Variants in PPAN observed in about 807,000 individuals in gnomAD.
The protein encoded by PPAN is suppressor of SWI4 1 homolog.
Under a neutral mutation model 48.5 loss-of-function variants are expected in PPAN, and 39 were observed. The observed-to-expected ratio is 0.80, with a 90% CI of 0.62 to 1.05. The LOEUF (loss-of-function observed/expected upper bound fraction) is 1.05. Ranked by LOEUF, PPAN falls within the 50% of genes least tolerant of loss-of-function variation. PPAN has a pLI of 0.00. For synonymous variants in PPAN, 315 were observed against 268.6 expected, an observed-to-expected ratio of 1.17 and a Z score of -1.69; for missense variants, 736 against 661.7, an observed-to-expected ratio of 1.11 and a Z score of -1.23.
chr19:10,111,785 T>A lies in PPAN; in HGVS notation c.*620T>A. ...GCTGTCTCTGGGGGTCTGCAGATTG[T>A]CAGGAGGTGGGGGTAGTGGGTATTG... On this transcript the variant is annotated 3_prime_UTR_variant, in exon 12 of 12. Transcript: ENST00000253107. 3 of 1,610,758 alleles carry A rather than the reference T, an allele frequency of 1.9e-6. No homozygotes were observed. The highest frequency in any genetic ancestry group is 2.5e-6 in the Non-Finnish European group (3 of 1,177,998).
rs373292789 is a variant in PPAN at position 10,109,939 on chromosome 19, C to T, written c.617C>T (p.Ala206Val). Residue 206 changes from alanine (A) to valine (V), a missense_variant, in exon 7 of 12, where the codon GCG becomes GTG. Physicochemically the swap from Ala to Val is moderately conservative, Grantham distance 64. Transcript: ENST00000253107. ...HYSIKVVPVGASRGMKKLLQE... is the reference protein window; with the variant it reads ...HYSIKVVPVGVSRGMKKLLQE... The stretch of plus-strand genomic sequence containing the variant: ...AGCATCAAAGTTGTTCCTGTGGGCG[C>T]GAGTCGCGGGATGAAGAAGCTGCTC... 28 of 1,613,952 alleles carry T rather than the reference C, an allele frequency of 1.7e-5. No homozygotes were observed. Among genetic ancestry groups the T allele is most frequent in the Middle Eastern group, 3.3e-4 (2 of 6,084 alleles).
upstream of PPAN, chr19:10,106,350 G>T: frequency 6.5e-7 from 1 of 1,548,676 alleles, no homozygotes; most frequent in Non-Finnish European, 8.7e-7. Context: ...GCTGCGCAGC[G>T]CCGGAAGCGG....
chr19:10,109,785 C>T (rs2088979853), intron 6 of PPAN, 78 bp downstream of exon 6: 2 of 1,588,076 alleles, frequency 1.3e-6, no homozygotes, highest in Admixed American at 1.7e-5. Context: ...AGCACTTCTG[C>T]TGAGACGCTG....
chr19:10,106,338 G>A (rs1332732790), upstream of PPAN: 2 of 1,547,752 alleles, frequency 1.3e-6, no homozygotes, highest in African/African-American at 1.4e-5. Flanking sequence ...CGCCGGAAGT[G>A]AGCTGCGCAG....
intron 6 of PPAN, 94 bp from the exon 7 acceptor site, chr19:10,109,819 G>T: frequency 6.3e-7 from 1 of 1,591,590 alleles, no homozygotes; most frequent in Admixed American, 1.7e-5. Context: ...CAAAGTAAAC[G>T]CCCTGACGCA....
At chr19:10,107,365 G>C in intron 2 of PPAN, 140 bp from the exon 3 acceptor site, 1 of 820,836 alleles carries the variant, frequency 1.2e-6, no homozygotes, top group East Asian at 2.7e-5. Flanking sequence ...TGACTCTAAA[G>C]GCTAAGATCC....
At position 10,110,426 on chromosome 19, in the gene PPAN, G is replaced by T. The variant is rs563999387; in HGVS notation, c.901+24G>T. 9 of 1,609,100 alleles carry T rather than the reference G, an allele frequency of 5.6e-6. No homozygotes were observed. Among genetic ancestry groups the T allele is most frequent in the Middle Eastern group, 1.6e-4 (1 of 6,076 alleles). On this transcript the variant is annotated intron_variant, in intron 9 of 11. Coordinates refer to ENST00000253107, the MANE Select transcript of PPAN (RefSeq NM_020230.7). This position sits in a 1 kb window ranked among gnomAD's most constrained non-coding sequence, Gnocchi z 5.9. ...TGGTGAGGCCGGGGCCGCCGGGGGT[G>T]GGGGGTCATGGGTGTGGAGCTGCAC... is the stretch of plus-strand genomic sequence containing the variant.
In PPAN at chr19:10,110,159, C is replaced by T. The variant is rs773091198; in HGVS notation, c.735C>T (p.Asp245=). 37 of 1,610,054 alleles carry T rather than the reference C, an allele frequency of 2.3e-5. No homozygotes were observed. Among genetic ancestry groups the T allele is most frequent in the East Asian group, 1.8e-4 (8 of 44,876 alleles). ...TGTCGGAGAGCGAGGCAGAGCCTGACGGCGACCACAACATCACAGAGCTGC... is the reference window on the plus strand; with the variant it reads ...TGTCGGAGAGCGAGGCAGAGCCTGATGGCGACCACAACATCACAGAGCTGC... ...AGLSESEAEP[D]GDHNITELPQ... Residue 245 remains aspartate, a synonymous_variant, in exon 8 of 12, where the codon GAC becomes GAT. Transcript: ENST00000253107. This position sits in a 1 kb window ranked among gnomAD's most constrained non-coding sequence, Gnocchi z 5.9.
chr19:10,111,419 C>A lies in PPAN; in HGVS notation c.*254C>A, dbSNP rs2145212394. 3.1e-6 allele frequency: 2 copies of A among 635,836 alleles called. No homozygotes were observed. Among genetic ancestry groups the A allele is most frequent in the African/African-American group, 1.8e-5 (1 of 54,556 alleles). The allele number at this position is 635,836 out of a possible 1,614,324, so 39.4% of individuals were successfully genotyped here. On this transcript the variant is annotated 3_prime_UTR_variant, in exon 12 of 12. Coordinates refer to ENST00000253107, the MANE Select transcript of PPAN (RefSeq NM_020230.7). Reference sequence around the variant, plus strand: ...GTTTCTTCCTGGAAGCTGGGTCTCTCCCCTACCCTGCACGGGGTTGGTTTC... The same window carrying A: ...GTTTCTTCCTGGAAGCTGGGTCTCTACCCTACCCTGCACGGGGTTGGTTTC...
At position 10,111,067 on chromosome 19, in the gene PPAN, A is replaced by G. The variant is rs769061445; in HGVS notation, c.1324A>G (p.Lys442Glu). 1.2e-6 allele frequency: 2 copies of G among 1,613,568 alleles called. No individual in the cohort carries two copies. The highest frequency in any genetic ancestry group is 8.5e-7 in the Non-Finnish European group (1 of 1,179,960). Reference sequence around the variant, plus strand: ...CCAGAAGTTTCCCAAGACCAAGGACAAGTCCCAGGGAGCCCAGGCCAGGCG... The same window carrying G: ...CCAGAAGTTTCCCAAGACCAAGGACGAGTCCCAGGGAGCCCAGGCCAGGCG... ...CDQKFPKTKD[K>E]SQGAQARRGP... is the part of the protein sequence containing the mutation. The change falls in exon 12 of 12, where the codon AAG (lysine) becomes GAG (glutamate). Residue 442 changes from lysine to glutamate, a missense_variant. Lys to Glu is a moderately conservative substitution (Grantham distance 56). Coordinates refer to ENST00000253107, the MANE Select transcript of PPAN (RefSeq NM_020230.7).
intron 5 of PPAN, among the ~76,000 whole-genome samples, chr19:10,108,724 C>T (rs955305022): frequency 2.0e-5 from 3 of 150,868 alleles, no homozygotes; most frequent in Non-Finnish European, 4.4e-5. Context: ...TCTACTCCAT[C>T]CTGGGTGACA....
At chr19:10,108,466 G>T (rs950741160) in intron 5 of PPAN, among the ~76,000 whole-genome samples, 2 of 152,080 alleles carry the variant, frequency 1.3e-5, no homozygotes, top group African/African-American at 4.8e-5. Flanking sequence ...GGGAAGCTGC[G>T]GGCCCAGTGC....
rs2088871298 is a variant in PPAN, at chr19:10,107,510, TAAG to T, written c.201_203del (p.Lys67del). On this transcript the variant is annotated inframe_deletion, in exon 3 of 12. Transcript: ENST00000253107. Reference sequence around the variant, plus strand: ...TTTCTTTTTGTCATTTCCAGGTTCGTAAGAAGAACTCGCTGAAGGACTGCGTGG... The same window carrying T: ...TTTCTTTTTGTCATTTCCAGGTTCGTAAGAACTCGCTGAAGGACTGCGTGG... The T allele has an allele frequency of 2.5e-6, 4 of 1,613,914 alleles. No homozygotes were observed. Among genetic ancestry groups the T allele is most frequent in the Non-Finnish European group, 3.4e-6 (4 of 1,180,022 alleles).
chr19:10,110,319 C>T lies in PPAN; in HGVS notation c.823-5C>T. 5 of 1,613,828 alleles carry T rather than the reference C, an allele frequency of 3.1e-6. No homozygotes were observed. The highest frequency in any genetic ancestry group is 3.4e-6 in the Non-Finnish European group (4 of 1,179,960). On this transcript the variant is annotated splice_region_variant and splice_polypyrimidine_tract_variant and intron_variant, in intron 8 of 11. Transcript: ENST00000253107. This position sits in a 1 kb window ranked among gnomAD's most constrained non-coding sequence, Gnocchi z 5.9. ...TGGGCTGACGCTTCTTCCTCGTCCC[C>T]TCAGATCGGCCCGCGGATGACACTG...
At chr19:10,106,296 T>C (rs2145194649), upstream of PPAN, 3 of 1,531,416 alleles carry the variant, frequency 2.0e-6, no homozygotes, top group East Asian at 2.5e-5. Context: ...CAGGCCCGCC[T>C]GATGTCGTCC....
In PPAN at chr19:10,110,617, C is replaced by A. The variant is rs778394642; in HGVS notation, c.1031+3C>A. 1.2e-6 allele frequency: 2 copies of A among 1,606,390 alleles called. No homozygotes were observed. Among genetic ancestry groups the A allele is most frequent in the Non-Finnish European group, 1.7e-6 (2 of 1,176,878 alleles). On this transcript the variant is annotated splice_donor_region_variant and intron_variant, in intron 10 of 11. Transcript: ENST00000253107. This position sits in a 1 kb window ranked among gnomAD's most constrained non-coding sequence, Gnocchi z 5.9. Reference sequence around the variant, plus strand: ...CAGGAGCAGCGGGAGGCCCACAGGTCCAGGCAGAGCTGGGAAGGGCAGGGC... The same window carrying A: ...CAGGAGCAGCGGGAGGCCCACAGGTACAGGCAGAGCTGGGAAGGGCAGGGC...
In PPAN at chr19:10,109,897, A is replaced by G; in HGVS notation, c.591-16A>G. On this transcript the variant is annotated splice_polypyrimidine_tract_variant and intron_variant, in intron 6 of 11. Coordinates refer to ENST00000253107, the MANE Select transcript of PPAN (RefSeq NM_020230.7). Reference sequence around the variant, plus strand: ...CCCCCTGACCACCCCCTTGCCGTCCACTCATGTTCCTGCAGTAGCATCAAA... The same window carrying G: ...CCCCCTGACCACCCCCTTGCCGTCCGCTCATGTTCCTGCAGTAGCATCAAA... 2 of 1,612,990 alleles carry G rather than the reference A, an allele frequency of 1.2e-6. No homozygotes were observed. Among genetic ancestry groups the G allele is most frequent in the Middle Eastern group, 1.7e-4 (1 of 6,060 alleles).
Position 10,111,140 on chromosome 19 carries a change from G to T in PPAN, c.1397G>T (p.Gly466Val), listed in dbSNP as rs758482874. The T allele has an allele frequency of 5.2e-5, 84 of 1,601,266 alleles. No individual in the cohort carries two copies. The highest frequency in any genetic ancestry group is 6.6e-5 in the Non-Finnish European group (77 of 1,175,162). The change falls in exon 12 of 12, where the codon GGC (glycine) becomes GTC (valine). Residue 466 changes from glycine (G) to valine (V), a missense_variant. Transcript: ENST00000253107. ...GATGGTGGGCGAGGCCGGGGCCGGG[G>T]CCGCCCAGGGAAGAGAGTGGCCTGA... ...SRDGGRGRGR[G>V]RPGKRVA
In PPAN at chr19:10,106,519, G is replaced by T; in HGVS notation, c.37G>T (p.Ala13Ser). 1 of 1,552,584 alleles carries T rather than the reference G, an allele frequency of 6.4e-7. No homozygotes were observed. The highest frequency in any genetic ancestry group is 8.7e-7 in the Non-Finnish European group (1 of 1,148,058). The change falls in exon 2 of 12, where the codon GCC becomes TCC. Residue 13 changes from alanine to serine, a missense_variant. Transcript: ENST00000253107. ...QSGRSRHQKR[A>S]RAQAQLRNLE... ...GCCGCAGTCCCGGCACCAGAAGCGC[G>T]CCCGCGCCCAGGCGCAGCTCCGCAA...
Sources: gnomAD v4.1 joint callset for allele counts (sites outside exome capture counted in the v4.1 genomes callset) on GRCh38, gnomAD v4.1.1 for gene constraint, Gnocchi (gnomAD v3.1) non-coding constraint, MANE v1.5 for transcripts, NCBI Gene and HGNC (gene_info 2026-07-23, HGNC 2026-07-21) for gene names.